Variants in LRIG2 observed in about 807,000 individuals in gnomAD.
LRIG2 encodes leucine-rich repeats and immunoglobulin-like domains protein 2.
In LRIG2, 93 loss-of-function variants were observed where a neutral mutation model predicts 107.8. The observed-to-expected ratio is 0.86, with a 90% CI of 0.73 to 1.03. The LOEUF is 1.03. Ranked by LOEUF, LRIG2 falls within the 50% of genes least tolerant of loss-of-function variation. The pLI is 0.00. For synonymous variants in LRIG2, 471 were observed against 470.6 expected (o/e 1.00, Z -0.01); for missense variants, 1,226 against 1,296.0 (o/e 0.95, Z 0.83).
chr1:113,112,661 T>G lies in LRIG2; in HGVS notation c.1981T>G (p.Phe661Val), dbSNP rs1328477084. Residue 661 changes from phenylalanine (F) to valine (V), a missense_variant, in exon 14 of 18, where the codon TTT becomes GTT. Around this residue, in one of 3 missense-constraint regions of LRIG2, gnomAD observed 642 missense variants for 712.2 expected, o/e 0.90. Transcript: ENST00000361127. ...MHVMPEDDVF[F>V]IANVKIEDMG... ...CGTCATGCCCGAGGATGACGTCTTCTTTATTGCCAATGTGAAAATAGAAGA... is the reference window on the plus strand; with the variant it reads ...CGTCATGCCCGAGGATGACGTCTTCGTTATTGCCAATGTGAAAATAGAAGA... 1 of 1,614,126 alleles carries G rather than the reference T, an allele frequency of 6.2e-7. No homozygotes were observed. The highest frequency in any genetic ancestry group is 8.5e-7 in the Non-Finnish European group (1 of 1,179,976).
intron 1 of LRIG2, among the ~76,000 whole-genome samples, chr1:113,086,443 T>C (rs1653557766): frequency 1.3e-5 from 2 of 152,360 alleles, no homozygotes; most frequent in South Asian, 4.1e-4. Flanking sequence ...TATTTTCTTA[T>C]GATTTAACTT....
In LRIG2 at chr1:113,130,544, C is replaced by G. The variant is rs913511310; in HGVS notation, c.*6443C>G. ...ATTTATCTGATAATGGAATAATCAG[C>G]CTTTTTGGTGGAAAGGTACATACAG... On this transcript the variant is annotated 3_prime_UTR_variant, in exon 18 of 18. Coordinates refer to ENST00000361127, the MANE Select transcript of LRIG2 (RefSeq NM_014813.3). 1.3e-5 allele frequency: 2 copies of G among 152,076 alleles called. No homozygotes were observed. Among genetic ancestry groups the G allele is most frequent in the African/African-American group, 4.8e-5 (2 of 41,410 alleles). The allele number at this position is 152,076 out of a possible 1,614,324, so 9.4% of individuals were successfully genotyped here. A position where few individuals can be genotyped will look rare whatever the true frequency, so the allele number is the denominator to read the frequency against.
intron 12 of LRIG2, 200 bp downstream of exon 12, chr1:113,107,957 G>T: frequency 3.8e-6 from 2 of 533,030 alleles, no homozygotes; most frequent in Non-Finnish European, 6.4e-6. Context: ...TTAGGTATTT[G>T]GTAGTCAGAT....
In LRIG2 at chr1:113,073,647, T is replaced by C. The variant is rs1460092659; in HGVS notation, c.239+2T>C. 6.2e-7 allele frequency: 1 copy of C among 1,607,876 alleles called. No individual in the cohort carries two copies. Among genetic ancestry groups the C allele is most frequent in the Non-Finnish European group, 8.5e-7 (1 of 1,177,142 alleles). ...GCTGCCCCCCGACACCGCTATCCTG[T>C]GAGTAGAGCGGCCAGGCAGAGTGAC... On this transcript the variant is annotated splice_donor_variant, in intron 1 of 17. Coordinates refer to ENST00000361127, the MANE Select transcript of LRIG2 (RefSeq NM_014813.3). LOFTEE classifies it high-confidence loss of function.
Position 113,073,357 on chromosome 1 carries a change from C to T in LRIG2, c.-50C>T, listed in dbSNP as rs373555867. The T allele has an allele frequency of 4.7e-6, 7 of 1,476,902 alleles. No individual in the cohort carries two copies. Among genetic ancestry groups the T allele is most frequent in the Non-Finnish European group, 6.6e-6 (7 of 1,063,142 alleles). 91.5% of individuals were successfully genotyped at this position (1,476,902 alleles called of 1,614,324 possible). A position where few individuals can be genotyped will look rare whatever the true frequency, so the allele number is the denominator to read the frequency against. ...TCTGCTGAGCTTCTCCGCCGATCCTCCTTTTCTAGCAGGCAGCTCTTCTAG... is the reference window on the plus strand; with the variant it reads ...TCTGCTGAGCTTCTCCGCCGATCCTTCTTTTCTAGCAGGCAGCTCTTCTAG... On this transcript the variant is annotated 5_prime_UTR_variant, in exon 1 of 18. Coordinates refer to ENST00000361127, the MANE Select transcript of LRIG2 (RefSeq NM_014813.3).
At position 113,073,490 on chromosome 1, in the gene LRIG2, C is replaced by T; in HGVS notation, c.84C>T (p.Ala28=). The change falls in exon 1 of 18, where the codon GCC becomes GCT. Residue 28 remains alanine (A), a synonymous_variant. Transcript: ENST00000361127. ...SRVLSRLLFI[A]QTALLLLPAA... ...TGCTTTCTCGGTTACTCTTCATTGCCCAGACCGCTCTCCTCCTGTTGCCCG... is the reference window on the plus strand; with the variant it reads ...TGCTTTCTCGGTTACTCTTCATTGCTCAGACCGCTCTCCTCCTGTTGCCCG... 6.2e-7 allele frequency: 1 copy of T among 1,614,184 alleles called. No homozygotes were observed. Among genetic ancestry groups the T allele is most frequent in the East Asian group, 2.2e-5 (1 of 44,858 alleles).
intron 4 of LRIG2, 65 bp from the exon 5 acceptor site, chr1:113,094,274 C>G: frequency 7.8e-7 from 1 of 1,279,800 alleles, no homozygotes; most frequent in East Asian, 2.6e-5. Context: ...TTTTTGGCAG[C>G]TTTCTAGTGG....
chr1:113,122,122 G>A (rs1300195005), intron 17 of LRIG2, among the ~76,000 whole-genome samples: 2 of 119,660 alleles, frequency 1.7e-5, no homozygotes, highest in Admixed American at 1.2e-4. Flanking sequence ...TCGCTCTGTC[G>A]CCCAGGCTGG....
In LRIG2 at chr1:113,086,268, G is replaced by C. The variant is rs112244772; in HGVS notation, c.240-5050G>C. ...GATCCACACGCCTCGGTCTCCCAAA[G>C]TGCTGTGATTACAGGCATGAGCCAC... On this transcript the variant is annotated intron_variant, in intron 1 of 17. Coordinates refer to ENST00000361127, the MANE Select transcript of LRIG2 (RefSeq NM_014813.3). 3.9e-5 allele frequency among the ~76,000 whole-genome samples: 6 copies of C among 152,142 alleles called. No individual in the cohort carries two copies. The South Asian group carries it at 1.2e-3, about 32-fold the overall frequency.
intron 1 of LRIG2, among the ~76,000 whole-genome samples, chr1:113,084,275 G>C (rs1164751335): frequency 6.7e-6 from 1 of 148,854 alleles, no homozygotes; most frequent in Middle Eastern, 3.5e-3. Flanking sequence ...GAGTGCAGTG[G>C]CGCAATCTCG....
rs1402149919 is a variant in LRIG2, at chr1:113,096,100, TG to T, written c.947+84del. On this transcript the variant is annotated intron_variant, in intron 7 of 17. Transcript: ENST00000361127. ...ATCATTCCCATGGGCAGTAATGAGA[TG>T]TAACATCCCTCTTTACTAGAAATTT... The T allele has an allele frequency of 1.8e-5, 28 of 1,586,462 alleles. No homozygotes were observed. The Admixed American group carries it at 3.1e-4, about 17-fold the overall frequency.
rs116880365 is a variant in LRIG2, at chr1:113,079,308, G to A, written c.239+5663G>A. Among the ~76,000 whole-genome samples, 461 of 139,068 alleles carry A rather than the reference G, an allele frequency of 3.3e-3. 15 individuals carry two copies. In the East Asian group the frequency reaches 0.071, roughly 22 times the overall value. The allele number at this position is 139,068 out of a possible 152,430, so 91.2% of individuals were successfully genotyped here. ...GGTTGTAATGAGCCGAAATCATGCCGCTGTACTCCAGCCTGGGAGACAGAG... is the reference window on the plus strand; with the variant it reads ...GGTTGTAATGAGCCGAAATCATGCCACTGTACTCCAGCCTGGGAGACAGAG... On this transcript the variant is annotated intron_variant, in intron 1 of 17. Coordinates refer to ENST00000361127, the MANE Select transcript of LRIG2 (RefSeq NM_014813.3).
At chr1:113,122,651 GAGTGCTTCGGCCC>G (rs1220900753) in intron 17 of LRIG2, among the ~76,000 whole-genome samples, 1 of 152,162 alleles carries the variant, frequency 6.6e-6, no homozygotes, top group Non-Finnish European at 1.5e-5. Flanking sequence ...CAGCAAATGA[GAGTGCTTCGGCCC>G]ATTGGCGATT....
At chr1:113,097,027 C>T (rs1654095505) in intron 8 of LRIG2, among the ~76,000 whole-genome samples, 1 of 151,974 alleles carries the variant, frequency 6.6e-6, no homozygotes. Context: ...CTTAGCTTTT[C>T]CTGGCCATCA....
chr1:113,077,955 A>T (rs781467666), intron 1 of LRIG2, among the ~76,000 whole-genome samples: 3 of 132,568 alleles, frequency 2.3e-5, no homozygotes, highest in Non-Finnish European at 4.6e-5. Flanking sequence ...CTCATTGTTC[A>T]TTTCCCACCT....
intron 17 of LRIG2, 64 bp downstream of exon 17, chr1:113,119,587 CAT>C: frequency 6.8e-7 from 1 of 1,480,504 alleles, no homozygotes; most frequent in Admixed American, 2.0e-5. Flanking sequence ...TTCCTTCTAT[CAT>C]ATAGGTAGTG....
chr1:113,093,542 C>T lies in LRIG2; in HGVS notation c.493C>T (p.Pro165Ser), dbSNP rs139869442. ...ATCAGAAATCAAGACATCTTCATTT[C>T]CTCGCATGCAGCTTAAATACCTGTA... ...IISEIKTSSFPRMQLKYLNLS... is the reference protein window; with the variant it reads ...IISEIKTSSFSRMQLKYLNLS... The change falls in exon 4 of 18, where the codon CCT becomes TCT. Residue 165 changes from proline (P) to serine (S), a missense_variant. Transcript: ENST00000361127. 1 of 1,601,060 alleles carries T rather than the reference C, an allele frequency of 6.2e-7. No homozygotes were observed. Among genetic ancestry groups the T allele is most frequent in the Non-Finnish European group, 8.5e-7 (1 of 1,174,228 alleles).
intron 9 of LRIG2, among the ~76,000 whole-genome samples, chr1:113,099,425 A>T (rs1654214891): frequency 6.6e-6 from 1 of 150,802 alleles, no homozygotes; most frequent in Admixed American, 6.6e-5. Flanking sequence ...TTTTTTGTAG[A>T]GACAGAGTCT....
rs1040075636 is a variant in LRIG2, at chr1:113,084,495, A to G, written c.240-6823A>G. On this transcript the variant is annotated intron_variant, in intron 1 of 17. Coordinates refer to ENST00000361127, the MANE Select transcript of LRIG2 (RefSeq NM_014813.3). ...CTCCCAAAGTACTGGGATTACAGGC[A>G]TGAGCCACCGCGCCCGGCATACTTA... 9.2e-5 allele frequency among the ~76,000 whole-genome samples: 14 copies of G among 152,260 alleles called. No individual in the cohort carries two copies. In the East Asian group the frequency reaches 1.4e-3, roughly 15 times the overall value.
Sources: gnomAD v4.1 joint callset for allele counts (sites outside exome capture counted in the v4.1 genomes callset) on GRCh38, gnomAD v4.1.1 for gene constraint, gnomAD v4.1.1 regional missense constraint, MANE v1.5 for transcripts, NCBI Gene and HGNC (gene_info 2026-07-23, HGNC 2026-07-21) for gene names.